The following SIPA1L1 variants were observed in gnomAD, a reference collection of about 807,000 sequenced individuals.
SIPA1L1 encodes signal-induced proliferation-associated 1-like protein 1.
Under a neutral mutation model 162.7 loss-of-function variants are expected in SIPA1L1, and 26 were observed. The ratio of observed to expected loss-of-function variants is 0.16; its 90% CI spans 0.12 to 0.22. SIPA1L1 has a LOEUF of 0.22. Ranked by LOEUF, SIPA1L1 falls within the 10% of genes least tolerant of loss-of-function variation. The pLI is 1.00. For missense variants in SIPA1L1, 1,874 were observed against 2,241.0 expected (o/e 0.84, Z 3.31); for synonymous variants, 829 against 837.4 (o/e 0.99, Z 0.17).
chr14:71,348,852 AAAAT>A (rs2036430910), intron 2 of SIPA1L1, among the ~76,000 whole-genome samples: 1 of 152,246 alleles, frequency 6.6e-6, no homozygotes, highest in South Asian at 2.1e-4. Context: ...TTACTCACTT[AAAAT>A]AAATAAGAAT....
Position 71,672,424 on chromosome 14 carries a change from A to G in SIPA1L1, c.2906A>G (p.Asn969Ser). The G allele has an allele frequency of 1.2e-6, 2 of 1,614,268 alleles. No homozygotes were observed. The highest frequency in any genetic ancestry group is 1.3e-5 in the African/African-American group (1 of 75,080). ...NGLGQLGFHVNYEGIVADVEP... is the reference protein window; with the variant it reads ...NGLGQLGFHVSYEGIVADVEP... ...CTAGGACAGCTTGGCTTCCATGTCA[A>G]CTATGAGGGCATTGTGGCGGATGTG... is the stretch of plus-strand genomic sequence containing the variant. The change falls in exon 12 of 24, where the codon AAC becomes AGC. Residue 969 changes from asparagine (N) to serine (S), a missense_variant. By Grantham distance (46) the Asn-to-Ser change is conservative. Around this residue, in one of 5 missense-constraint regions of SIPA1L1, gnomAD observed 936 missense variants for 1,051.9 expected, o/e 0.89. Coordinates refer to ENST00000381232, the MANE Select transcript of SIPA1L1 (RefSeq NM_001386936.1).
chr14:71,404,219 C>T (rs979388109), intron 2 of SIPA1L1, among the ~76,000 whole-genome samples: 3 of 152,092 alleles, frequency 2.0e-5, no homozygotes, highest in Admixed American at 6.6e-5. Context: ...ATTTTAGGAT[C>T]AAGATCAGGT....
intron 14 of SIPA1L1, among the ~76,000 whole-genome samples, chr14:71,700,821 C>T (rs1597082346): frequency 6.6e-6 from 1 of 151,960 alleles, no homozygotes; most frequent in East Asian, 1.9e-4. Flanking sequence ...GGTGAAACCT[C>T]TTCTCTACTA....
intron 5 of SIPA1L1, among the ~76,000 whole-genome samples, chr14:71,604,668 G>T (rs560002230): frequency 2.6e-5 from 4 of 151,990 alleles, no homozygotes; most frequent in Non-Finnish European, 5.9e-5. Flanking sequence ...TGGCTGACAG[G>T]TTTATTTATT....
At chr14:71,587,302 C>G (rs2034739533) in intron 4 of SIPA1L1, among the ~76,000 whole-genome samples, 1 of 151,370 alleles carries the variant, frequency 6.6e-6, no homozygotes. Context: ...CAAGATGTAC[C>G]CCTCCCCCTG....
In SIPA1L1 at chr14:71,695,038, G is replaced by A. The variant is rs146397443; in HGVS notation, c.3375-3943G>A. Among the ~76,000 whole-genome samples, 439 of 152,270 alleles carry A rather than the reference G, an allele frequency of 2.9e-3. 4 individuals are homozygous for A. The Middle Eastern group carries it at 0.048, about 17-fold the overall frequency. On this transcript the variant is annotated intron_variant, in intron 13 of 23. Transcript: ENST00000381232. ...AGCAATCAGCCCATCTTCCAATAAC[G>A]ATCAGCCTCAGGCTATCTCTTCAGA...
intron 2 of SIPA1L1, among the ~76,000 whole-genome samples, chr14:71,322,621 G>A (rs887919804): frequency 1.3e-5 from 2 of 152,176 alleles, no homozygotes; most frequent in African/African-American, 4.8e-5. Context: ...TTATGCTAAA[G>A]CATTAACAAT....
intron 2 of SIPA1L1, among the ~76,000 whole-genome samples, chr14:71,498,279 A>T (rs1230959509): frequency 1.3e-5 from 2 of 152,276 alleles, no homozygotes; most frequent in African/African-American, 2.4e-5. Context: ...TTGAAATTAC[A>T]GGGAAGCTAG....
intron 2 of SIPA1L1, among the ~76,000 whole-genome samples, chr14:71,426,486 CTTTTT>C (rs370856446): frequency 7.6e-6 from 1 of 132,036 alleles, no homozygotes; most frequent in Non-Finnish European, 1.6e-5. Flanking sequence ...GAATTTCTTT[CTTTTT>C]TTTTTTTTTT....
chr14:71,642,881 G>C (rs1253227075), intron 7 of SIPA1L1, among the ~76,000 whole-genome samples: 2 of 151,654 alleles, frequency 1.3e-5, no homozygotes, highest in African/African-American at 2.4e-5. Context: ...GAGTTGAAAA[G>C]TACACTGGAC....
chr14:71,481,571 C>CA lies in SIPA1L1; in HGVS notation c.-464-31172_-464-31171insA, dbSNP rs1276551080. Among the ~76,000 whole-genome samples the CA allele has an allele frequency of 1.3e-5, 2 of 152,132 alleles. 1 individual carries two copies. Among genetic ancestry groups the CA allele is most frequent in the East Asian group, 3.8e-4 (2 of 5,196 alleles). On this transcript the variant is annotated intron_variant, in intron 2 of 23. Transcript: ENST00000381232. ...GGCTAATGATTAACATATTCATTCTCTACTGACTTTTTAAAAACATGGACT... is the reference window on the plus strand; with the variant it reads ...GGCTAATGATTAACATATTCATTCTCATACTGACTTTTTAAAAACATGGACT...
chr14:71,337,943 C>G (rs144501801), intron 2 of SIPA1L1, among the ~76,000 whole-genome samples: 13 of 152,194 alleles, frequency 8.5e-5, no homozygotes, highest in African/African-American at 3.1e-4. Flanking sequence ...GAGACCATGT[C>G]TTAAAAAAAG....
intron 2 of SIPA1L1, among the ~76,000 whole-genome samples, chr14:71,479,136 A>T (rs372107160): frequency 6.6e-6 from 1 of 152,098 alleles, no homozygotes; most frequent in Non-Finnish European, 1.5e-5. Context: ...TGGGACGCTC[A>T]TTGCCAGTTT....
At chr14:71,584,755 G>GT (rs1220668831) in intron 4 of SIPA1L1, among the ~76,000 whole-genome samples, 2 of 152,226 alleles carry the variant, frequency 1.3e-5, no homozygotes, top group Non-Finnish European at 2.9e-5. Context: ...GACTTAGATA[G>GT]TATCTAGAGC....
At chr14:71,599,773 A>T (rs2036512557) in intron 5 of SIPA1L1, among the ~76,000 whole-genome samples, 1 of 152,012 alleles carries the variant, frequency 6.6e-6, no homozygotes. Flanking sequence ...CTTCACCAAC[A>T]TCTGTTGTCT....
intron 12 of SIPA1L1, among the ~76,000 whole-genome samples, chr14:71,675,067 A>T (rs1014407726): frequency 6.6e-6 from 1 of 152,172 alleles, no homozygotes; most frequent in African/African-American, 2.4e-5. Context: ...CTTTATTTGT[A>T]GTATTTGCTG....
At chr14:71,525,285 C>T (rs1301820093) in intron 3 of SIPA1L1, among the ~76,000 whole-genome samples, 1 of 151,706 alleles carries the variant, frequency 6.6e-6, no homozygotes, top group Non-Finnish European at 1.5e-5. Context: ...TGGGTTCAAG[C>T]AATTCTCCTG....
intron 10 of SIPA1L1, among the ~76,000 whole-genome samples, chr14:71,667,078 A>G (rs1432516140): frequency 6.6e-6 from 1 of 152,046 alleles, no homozygotes; most frequent in Non-Finnish European, 1.5e-5. Flanking sequence ...GAAAGTTCAG[A>G]CTTGCAAGCA....
At chr14:71,514,430 C>A (rs990122019) in intron 3 of SIPA1L1, among the ~76,000 whole-genome samples, 2 of 152,150 alleles carry the variant, frequency 1.3e-5, no homozygotes, top group African/African-American at 4.8e-5. Context: ...CCTCTTAATG[C>A]ACATGCTTGA....
Sources: gnomAD v4.1 joint callset for allele counts (sites outside exome capture counted in the v4.1 genomes callset) on GRCh38, gnomAD v4.1.1 for gene constraint, gnomAD v4.1.1 regional missense constraint, MANE v1.5 for transcripts, NCBI Gene and HGNC (gene_info 2026-07-23, HGNC 2026-07-21) for gene names.